TSC2: variants seen among roughly 807,000 people sequenced by gnomAD.
The protein encoded by TSC2 is TSC complex subunit 2.
A neutral mutation model predicts 202.2 loss-of-function variants in TSC2; 29 were observed. That is an observed-to-expected ratio of 0.14 (90% CI 0.11 to 0.20). The LOEUF (loss-of-function observed/expected upper bound fraction) is 0.20, where lower values mean the gene tolerates loss of function less well. Ranked by LOEUF, TSC2 falls within the 10% of genes least tolerant of loss-of-function variation. TSC2 has a pLI of 1.00. For synonymous variants in TSC2, 1,349 were observed against 1,044.0 expected (o/e 1.29, Z -5.63); for missense variants, 2,429 against 2,420.0 (o/e 1.00, Z -0.08).
At chr16:2,053,494 C>T (rs373503274) in intron 4 of TSC2, 42 bp downstream of exon 4, 4 of 1,523,284 alleles carry the variant, frequency 2.6e-6, no homozygotes, top group South Asian at 1.2e-5. Flanking sequence ...CGTCAGGCTG[C>T]CCACTGACTG....
Position 2,081,645 on chromosome 16 carries a change from T to A in TSC2, c.3661T>A (p.Ser1221Thr), listed in dbSNP as rs2151481521. 1 of 1,612,928 alleles carries A rather than the reference T, an allele frequency of 6.2e-7. No individual in the cohort carries two copies. The highest frequency in any genetic ancestry group is 8.5e-7 in the Non-Finnish European group (1 of 1,180,006). ...GGAGAACCCGCTCAGCCCTTTCTCC[T>A]CGGACATCAACAACATGCCCCTGCA... ...SLENPLSPFS[S>T]DINNMPLQEL... The change falls in exon 31 of 42, where the codon TCG becomes ACG. Residue 1221 changes from serine (S) to threonine (T), a missense_variant. By Grantham distance (58) the Ser-to-Thr change is moderately conservative (BLOSUM62 1). Transcript: ENST00000219476.
chr16:2,050,259 G>A, intron 2 of TSC2, 141 bp from the exon 3 acceptor site: 2 of 883,712 alleles, frequency 2.3e-6, no homozygotes, highest in African/African-American at 1.7e-5. Flanking sequence ...GGCTCGTCAA[G>A]TGAATCTTGA....
At chr16:2,061,169 C>T in intron 11 of TSC2, 2 of 375,824 alleles carry the variant, frequency 5.3e-6, no homozygotes, top group Non-Finnish European at 1.0e-5. Context: ...CTTTGGAGGA[C>T]CGCATTAGTC....
rs565646854 is a variant in TSC2 at position 2,063,032 on chromosome 16, C to T, written c.1422C>T (p.Leu474=). The change falls in exon 14 of 42, where the codon CTC becomes CTT. Residue 474 remains leucine, a synonymous_variant. Coordinates refer to ENST00000219476, the MANE Select transcript of TSC2 (RefSeq NM_000548.5). ...TGGACGTGCTGTCCTTTGTGCTGCT[C>T]ATCAACAGGCAGTTCTATGAGGTGC... ...KVLDVLSFVL[L]INRQFYEEEL... is the part of the protein sequence containing the mutation. The T allele has an allele frequency of 1.3e-6, 2 of 1,551,536 alleles. No homozygotes were observed. The highest frequency in any genetic ancestry group is 2.0e-5 in the Admixed American group (1 of 51,008).
rs397515046 is a variant in TSC2, at chr16:2,076,498, G to A, written c.2750G>A (p.Arg917Gln). 5.8e-5 allele frequency: 93 copies of A among 1,613,372 alleles called. No individual in the cohort carries two copies. The highest frequency in any genetic ancestry group is 5.6e-4 in the South Asian group (51 of 91,086). Residue 917 changes from arginine to glutamine, a missense_variant, in exon 25 of 42, where the codon CGG becomes CAG. Arg to Gln is a conservative substitution (Grantham distance 43). Coordinates refer to ENST00000219476, the MANE Select transcript of TSC2 (RefSeq NM_000548.5). ...DFVPFITKGL[R>Q]SNVLLSFDDT... ...GTGTGCTCACTCTGCCAGGGCCTGC[G>A]GTCCAATGTCCTCTTGTCTTTTGAT...
At chr16:2,064,052 G>A in intron 14 of TSC2, 3 of 690,622 alleles carry the variant, frequency 4.3e-6, no homozygotes, top group Non-Finnish European at 7.6e-6. Flanking sequence ...GCCCTGCGGT[G>A]CTCACCAGCC....
In TSC2 at chr16:2,058,892, G is replaced by A. The variant is rs909473730; in HGVS notation, c.975+19G>A. 1 of 1,603,540 alleles carries A rather than the reference G, an allele frequency of 6.2e-7. No individual in the cohort carries two copies. Among genetic ancestry groups the A allele is most frequent in the Non-Finnish European group, 8.5e-7 (1 of 1,175,646 alleles). The stretch of plus-strand genomic sequence containing the variant: ...TTACCAGGTAAGGCGGTTTCTGTGT[G>A]CAGTGAGCTGGCAGGAACGGGAGAG... On this transcript the variant is annotated intron_variant, in intron 10 of 41. Transcript: ENST00000219476.
At chr16:2,072,029 T>C (rs2151311943) in intron 19 of TSC2, 95 bp downstream of exon 19, 1 of 1,485,500 alleles carries the variant, frequency 6.7e-7, no homozygotes, top group Non-Finnish European at 9.0e-7. Flanking sequence ...CTGTCTGGCC[T>C]GTGGAGGGCA....
intron 14 of TSC2, 94 bp downstream of exon 14, chr16:2,063,147 C>A (rs2086852093): frequency 1.4e-6 from 2 of 1,438,244 alleles, no homozygotes; most frequent in South Asian, 2.4e-5. Context: ...GAGCCGGGCT[C>A]TGCCTGGGAC....
In TSC2 at chr16:2,086,790, C is replaced by A; in HGVS notation, c.4908C>A (p.Asp1636Glu). ...PTKDVDKHRC[D>E]KKRHLGNDFV... ...AGGACGTGGACAAGCACCGCTGCGA[C>A]AAGAAGCGCCACCTGGGCAACGACT... Residue 1636 changes from aspartate to glutamate, a missense_variant, in exon 38 of 42, where the codon GAC becomes GAA. Asp to Glu is a conservative substitution (Grantham distance 45, BLOSUM62 2). Transcript: ENST00000219476. 6.2e-7 allele frequency: 1 copy of A among 1,611,574 alleles called. No homozygotes were observed. The highest frequency in any genetic ancestry group is 8.5e-7 in the Non-Finnish European group (1 of 1,179,836).
intron 10 of TSC2, among the ~76,000 whole-genome samples, chr16:2,060,262 G>C (rs1285780483): frequency 6.6e-6 from 1 of 152,166 alleles, no homozygotes; most frequent in African/African-American, 2.4e-5. Context: ...GATGAGCTGC[G>C]GTGTGGGTCA....
In TSC2 at chr16:2,048,406, G is replaced by A. The variant is rs2084634890; in HGVS notation, c.-29-181G>A. The A allele has an allele frequency of 5.7e-6, 5 of 878,808 alleles. No homozygotes were observed. The Admixed American group carries it at 8.3e-5, about 15-fold the overall frequency. 54.4% of individuals were successfully genotyped at this position (878,808 alleles called of 1,614,324 possible). On this transcript the variant is annotated intron_variant, in intron 1 of 41. Transcript: ENST00000219476. ...TCTAGACCAGGCCTGGTGTCTCCCG[G>A]GCTTTCCTAGGTGCCTGTTTGCGAG...
intron 31 of TSC2, 49 bp from the exon 32 acceptor site, chr16:2,082,387 T>TCTAC (rs1567513444): frequency 1.9e-6 from 3 of 1,601,798 alleles, no homozygotes; most frequent in Non-Finnish European, 2.6e-6. Flanking sequence ...TCGACCTGTG[T>TCTAC]GTAGCCCCTC....
rs769527912 is a variant in TSC2 at position 2,077,686 on chromosome 16, C to T, written c.2926C>T (p.Arg976Trp). 3.0e-5 allele frequency: 49 copies of T among 1,612,986 alleles called. No homozygotes were observed. The highest frequency in any genetic ancestry group is 6.7e-5 in the African/African-American group (5 of 74,952). ...GGAGAGCTCTGCAGCCGAGGCCTTCCGGTGCCGCAGCATCAGTGTGTCTGA... is the reference window on the plus strand; with the variant it reads ...GGAGAGCTCTGCAGCCGAGGCCTTCTGGTGCCGCAGCATCAGTGTGTCTGA... Reference protein sequence around the residue: ...FKESSAAEAFRCRSISVSEHV... With the variant: ...FKESSAAEAFWCRSISVSEHV... Residue 976 changes from arginine to tryptophan, a missense_variant, in exon 26 of 42, where the codon CGG becomes TGG. Transcript: ENST00000219476.
chr16:2,088,435 T>C lies in TSC2; in HGVS notation c.5260-11T>C. On this transcript the variant is annotated splice_polypyrimidine_tract_variant and intron_variant, in intron 41 of 41. Transcript: ENST00000219476. Reference sequence around the variant, plus strand: ...TCCCAGACTTACTGCCCAAGCCGCCTCTGCCTTCAGATCTGCGAGGAAGCC... The same window carrying C: ...TCCCAGACTTACTGCCCAAGCCGCCCCTGCCTTCAGATCTGCGAGGAAGCC... 6.2e-7 allele frequency: 1 copy of C among 1,612,750 alleles called. No individual in the cohort carries two copies. The highest frequency in any genetic ancestry group is 8.5e-7 in the Non-Finnish European group (1 of 1,180,010).
chr16:2,074,317 G>A lies in TSC2; in HGVS notation c.2473G>A (p.Val825Ile), dbSNP rs149860212. 1.2e-6 allele frequency: 2 copies of A among 1,612,942 alleles called. No homozygotes were observed. Among genetic ancestry groups the A allele is most frequent in the African/African-American group, 2.7e-5 (2 of 74,936 alleles). Reference protein sequence around the residue: ...MPDIIIKALPVLVVKLTHISA... With the variant: ...MPDIIIKALPILVVKLTHISA... ...TGACATCATCATCAAGGCGCTGCCT[G>A]TTCTGGTGGTGAAGCTCACGCACAT... Residue 825 changes from valine to isoleucine, a missense_variant, in exon 22 of 42, where the codon GTT becomes ATT. Transcript: ENST00000219476.
At position 2,071,565 on chromosome 16, in the gene TSC2, C is replaced by G. The variant is rs750663771; in HGVS notation, c.1895C>G (p.Pro632Arg). Residue 632 changes from proline to arginine, a missense_variant, in exon 18 of 42, where the codon CCC becomes CGC. By Grantham distance (103) the Pro-to-Arg change is moderately radical. Transcript: ENST00000219476. ...RADSLHRLGL[P>R]NKDGVVRFSP... ...GACTCACTGCACCGCCTGGGCCTGC[C>G]CAACAAGGATGGAGTCGTGCGGTTC... 6.2e-7 allele frequency: 1 copy of G among 1,613,566 alleles called. No individual in the cohort carries two copies. The highest frequency in any genetic ancestry group is 8.5e-7 in the Non-Finnish European group (1 of 1,180,034).
intron 9 of TSC2, 121 bp from the exon 10 acceptor site, chr16:2,058,626 G>GC (rs944935617): frequency 8.1e-4 from 1,165 of 1,439,218 alleles, no homozygotes; most frequent in Non-Finnish European, 8.7e-4. Flanking sequence ...CGGTGCTCCT[G>GC]CCCCCCCCAA....
chr16:2,063,158 T>G (rs891957205), intron 14 of TSC2, 105 bp downstream of exon 14: 8 of 1,372,252 alleles, frequency 5.8e-6, no homozygotes, highest in Middle Eastern at 2.1e-4. Flanking sequence ...TGCCTGGGAC[T>G]TCGGTCCTGC....
Sources: allele counts gnomAD v4.1 joint callset (sites outside exome capture counted in the v4.1 genomes callset), GRCh38; gene constraint gnomAD v4.1.1; transcripts MANE v1.5; gene names NCBI Gene and HGNC (gene_info 2026-07-23, HGNC 2026-07-21).